The following FCAMR variants were observed in gnomAD, a reference collection of about 807,000 sequenced individuals.
The protein encoded by FCAMR is Fc alpha and mu receptor.
Under a neutral mutation model 52.2 loss-of-function variants are expected in FCAMR, and 51 were observed. The ratio of observed to expected loss-of-function variants is 0.98; its 90% CI spans 0.78 to 1.23. The LOEUF is 1.23. FCAMR is among the 50% of genes most tolerant of loss of function. The pLI is 0.00. For synonymous variants in FCAMR, 282 were observed against 262.0 expected (o/e 1.08, Z -0.74); for missense variants, 719 against 712.6 (o/e 1.01, Z -0.10).
In FCAMR at chr1:206,960,457, G is replaced by C. The variant is rs750437573; in HGVS notation, c.1419C>G (p.Pro473=). ...ATLSQTPAVG[P]WGPPGKESSV... ...AGGACTCCTTGCCAGGGGGTCCCCA[G>C]GGTCCTACTGCCGGGGTCTGGCTCA... The change falls in exon 6 of 8, where the codon CCC becomes CCG. Residue 473 remains proline, a synonymous_variant. Transcript: ENST00000324852. 1.7e-5 allele frequency: 26 copies of C among 1,526,572 alleles called. No individual in the cohort carries two copies. Among genetic ancestry groups the C allele is most frequent in the Non-Finnish European group, 2.3e-5 (26 of 1,135,304 alleles). 94.6% of individuals were successfully genotyped at this position (1,526,572 alleles called of 1,614,324 possible). A position where few individuals can be genotyped will look rare whatever the true frequency, so the allele number is the denominator to read the frequency against.
Position 206,970,211 on chromosome 1 carries a change from A to T in FCAMR, c.-86T>A. ...GACGACTTCTAGTTGCTCTCCTTTA[A>T]ACCTGGAGACTGAGAAGTCAAGGTG... On this transcript the variant is annotated 5_prime_UTR_variant, in exon 1 of 8. Coordinates refer to ENST00000324852, the MANE Select transcript of FCAMR (RefSeq NM_001170631.2). The T allele has an allele frequency of 1.3e-6, 2 of 1,491,494 alleles. No homozygotes were observed. The highest frequency in any genetic ancestry group is 1.9e-6 in the Non-Finnish European group (2 of 1,075,464). The allele number at this position is 1,491,494 out of a possible 1,614,324, so 92.4% of individuals were successfully genotyped here. A position where few individuals can be genotyped will look rare whatever the true frequency, so the allele number is the denominator to read the frequency against.
chr1:206,967,147 G>C (rs751221229), intron 2 of FCAMR, 35 bp from the exon 3 acceptor site: 9 of 1,608,576 alleles, frequency 5.6e-6, no homozygotes, highest in African/African-American at 1.3e-5. Context: ...AGAGGCCTGA[G>C]AGAAGCTGGG....
At chr1:206,965,598 A>T in intron 4 of FCAMR, 117 bp downstream of exon 4, 1 of 1,243,790 alleles carries the variant, frequency 8.0e-7, no homozygotes, top group South Asian at 1.8e-5. Flanking sequence ...GTCTATTGCT[A>T]TGGCTTCCAT....
intron 1 of FCAMR, among the ~76,000 whole-genome samples, chr1:206,968,330 T>A (rs1572669316): frequency 6.9e-6 from 1 of 144,944 alleles, no homozygotes; most frequent in South Asian, 2.1e-4. Flanking sequence ...CAAGACTCTG[T>A]CTCAACAACA....
Position 206,959,729 on chromosome 1 carries a change from A to C in FCAMR, c.1523T>G (p.Met508Arg), listed in dbSNP as rs1406838269. 6.2e-7 allele frequency: 1 copy of C among 1,614,044 alleles called. No homozygotes were observed. The highest frequency in any genetic ancestry group is 1.3e-5 in the African/African-American group (1 of 74,922). The change falls in exon 7 of 8, where the codon ATG becomes AGG. Residue 508 changes from methionine (M) to arginine (R), a missense_variant. Physicochemically the swap from Met to Arg is moderately conservative, Grantham distance 91. Transcript: ENST00000324852. ...TTGCAATAGAACCAGAGCCATAAGC[A>C]TAAACAGGGCCAGCATGGTAGAGAC... ...APVSTMLALFMLMALVLLQRK... is the reference protein window; with the variant it reads ...APVSTMLALFRLMALVLLQRK...
rs978995750 is a variant in FCAMR at position 206,958,415 on chromosome 1, C to A, written c.*101G>T. ...AGCACCGGCTGCATCAGCTTCTCTT[C>A]CCACAGGTGGAGGAAGGATGATGGA... On this transcript the variant is annotated 3_prime_UTR_variant, in exon 8 of 8. Transcript: ENST00000324852. The A allele has an allele frequency of 2.3e-6, 3 of 1,329,462 alleles. No individual in the cohort carries two copies. The African/African-American group carries it at 4.5e-5, about 20-fold the overall frequency. The allele number at this position is 1,329,462 out of a possible 1,614,324, so 82.4% of individuals were successfully genotyped here.
In FCAMR at chr1:206,965,844, G is replaced by A. The variant is rs1680687707; in HGVS notation, c.184C>T (p.Leu62Phe). Residue 62 changes from leucine (L) to phenylalanine (F), a missense_variant, in exon 4 of 8, where the codon CTT becomes TTT. Leu to Phe is a conservative substitution (Grantham distance 22). Coordinates refer to ENST00000324852, the MANE Select transcript of FCAMR (RefSeq NM_001170631.2). Reference sequence around the variant, plus strand: ...CTCGGATGGGGTCTTTTTTGTGGAAGGGCGAAAGAAGAACCTGCAGCAAAG... The same window carrying A: ...CTCGGATGGGGTCTTTTTTGTGGAAAGGCGAAAGAAGAACCTGCAGCAAAG... ...LCLLQGSSFA[L>F]PQKRPHPRWL... The A allele has an allele frequency of 6.2e-7, 1 of 1,606,636 alleles. No homozygotes were observed.
chr1:206,960,576 C>T lies in FCAMR; in HGVS notation c.1300G>A (p.Asp434Asn), dbSNP rs767723240. 21 of 1,550,436 alleles carry T rather than the reference C, an allele frequency of 1.4e-5. No homozygotes were observed. Among genetic ancestry groups the T allele is most frequent in the Non-Finnish European group, 1.7e-5 (19 of 1,146,570 alleles). The change falls in exon 6 of 8, where the codon GAT becomes AAT. Residue 434 changes from aspartate (D) to asparagine (N), a missense_variant. Coordinates refer to ENST00000324852, the MANE Select transcript of FCAMR (RefSeq NM_001170631.2). ...DVWILGTPAA[D>N]VWTSMEAASG... ...GCTGCCTCCATGCTGGTCCACACAT[C>T]TGCAGCTGGAGTTCCCAAGATCCAC...
chr1:206,968,823 G>C (rs980486850), intron 1 of FCAMR, among the ~76,000 whole-genome samples: 3 of 152,172 alleles, frequency 2.0e-5, no homozygotes, highest in Non-Finnish European at 2.9e-5. Context: ...CCCTGAGCTT[G>C]TTTTCCTGCA....
chr1:206,967,094 C>G lies in FCAMR; in HGVS notation c.127G>C (p.Gly43Arg). 6.2e-7 allele frequency: 1 copy of G among 1,613,936 alleles called. No homozygotes were observed. Among genetic ancestry groups the G allele is most frequent in the South Asian group, 1.1e-5 (1 of 91,024 alleles). Residue 43 changes from glycine to arginine, a missense_variant, in exon 3 of 8, where the codon GGA (glycine) becomes CGA (arginine). By Grantham distance (125) the Gly-to-Arg change is moderately radical. Coordinates refer to ENST00000324852, the MANE Select transcript of FCAMR (RefSeq NM_001170631.2). ...PQSHVTSRRA[G>R]WKMPLFLILC... ...ATGAGGAAGAGGGGCATTTTCCATC[C>G]CGCCCTCCTGCTGGTGACCTGCAAA... is the stretch of plus-strand genomic sequence containing the variant.
chr1:206,965,641 G>A lies in FCAMR; in HGVS notation c.313+74C>T, dbSNP rs560784560. On this transcript the variant is annotated intron_variant, in intron 4 of 7. Transcript: ENST00000324852. ...GGCTAGGGCTGCCTATAGCTGTAGGGAGCCTGACTTGGTCTGAGAGAGCCT... is the reference window on the plus strand; with the variant it reads ...GGCTAGGGCTGCCTATAGCTGTAGGAAGCCTGACTTGGTCTGAGAGAGCCT... 8.1e-6 allele frequency: 12 copies of A among 1,473,824 alleles called. No individual in the cohort carries two copies. The Admixed American group carries it at 2.8e-4, about 34-fold the overall frequency. The allele number at this position is 1,473,824 out of a possible 1,614,324, so 91.3% of individuals were successfully genotyped here.
At chr1:206,963,810 T>C (rs1236416257) in intron 4 of FCAMR, among the ~76,000 whole-genome samples, 1 of 152,212 alleles carries the variant, frequency 6.6e-6, no homozygotes, top group Non-Finnish European at 1.5e-5. Flanking sequence ...GCCTCTTTTT[T>C]GCCTACCAGA....
intron 2 of FCAMR, 134 bp downstream of exon 2, chr1:206,967,449 G>A (rs745948362): frequency 1.1e-5 from 10 of 928,874 alleles, no homozygotes; most frequent in East Asian, 7.2e-5. Flanking sequence ...GGGGAGCACC[G>A]TGTAGTGGAA....
At chr1:206,967,751 C>A in intron 1 of FCAMR, 100 bp from the exon 2 acceptor site, 2 of 1,078,680 alleles carry the variant, frequency 1.9e-6, no homozygotes, top group African/African-American at 1.6e-5. Flanking sequence ...AAATCTCAGA[C>A]CAAGTAGCTC....
intron 7 of FCAMR, 174 bp from the exon 8 acceptor site, chr1:206,958,850 G>A (rs560038284): frequency 1.4e-5 from 11 of 773,350 alleles, no homozygotes; most frequent in African/African-American, 8.7e-5. Flanking sequence ...CTTGGACTTC[G>A]GGGCCTGGGT....
At position 206,960,787 on chromosome 1, in the gene FCAMR, C is replaced by T. The variant is rs1334936184; in HGVS notation, c.1089G>A (p.Arg363=). ...CCTTTTTGGCTGCATCAAGAGCTAT[C>T]CTGACCCCCTCTATGTCCTCCCTTG... ...DRPREDIEGV[R]IALDAAKKVL... The change falls in exon 6 of 8, where the codon AGG becomes AGA. Residue 363 remains arginine (R), a synonymous_variant. Coordinates refer to ENST00000324852, the MANE Select transcript of FCAMR (RefSeq NM_001170631.2). The T allele has an allele frequency of 6.4e-7, 1 of 1,552,406 alleles. No homozygotes were observed. The highest frequency in any genetic ancestry group is 1.2e-5 in the South Asian group (1 of 84,064).
intron 1 of FCAMR, chr1:206,969,300 T>A (rs775734814): frequency 1.3e-5 from 6 of 456,170 alleles, no homozygotes; most frequent in South Asian, 9.3e-5. Context: ...CGTGGGGCAA[T>A]GAGGAAGCAG....
intron 3 of FCAMR, among the ~76,000 whole-genome samples, chr1:206,966,249 A>C (rs1384502655): frequency 6.6e-6 from 1 of 152,072 alleles, no homozygotes; most frequent in Admixed American, 6.5e-5. Context: ...TTAATTTAGG[A>C]CTATTACTTA....
chr1:206,960,031 A>G, intron 6 of FCAMR: 1 of 485,702 alleles, frequency 2.1e-6, no homozygotes, highest in Non-Finnish European at 3.7e-6. Context: ...GGGCCCTGCG[A>G]TGCCTCCCAG....
Sources: allele counts gnomAD v4.1 joint callset (sites outside exome capture counted in the v4.1 genomes callset), GRCh38; gene constraint gnomAD v4.1.1; transcripts MANE v1.5; gene names NCBI Gene and HGNC (gene_info 2026-07-23, HGNC 2026-07-21).